Variants in SCN8A observed in about 807,000 individuals in gnomAD.
SCN8A encodes sodium channel protein type 8 subunit alpha.
Under a neutral mutation model 184.1 loss-of-function variants are expected in SCN8A, and 30 were observed. The ratio of observed to expected loss-of-function variants is 0.16; its 90% confidence interval spans 0.12 to 0.22. The LOEUF (loss-of-function observed/expected upper bound fraction) is 0.22. SCN8A is among the 10% of genes least tolerant of loss of function. The pLI is 1.00. For missense variants in SCN8A, 1,057 were observed against 2,498.9 expected (o/e 0.42, Z 12.30); for synonymous variants, 852 against 907.0 (o/e 0.94, Z 1.09).
intron 1 of SCN8A, among the ~76,000 whole-genome samples, chr12:51,648,564 G>T (rs888353391): frequency 1.3e-4 from 20 of 152,156 alleles, no homozygotes; most frequent in Non-Finnish European, 2.4e-4. Flanking sequence ...ATCATGGCAG[G>T]AGGCGAAAGG....
At chr12:51,703,260 T>TTGTTG (rs1403310400) in intron 9 of SCN8A, among the ~76,000 whole-genome samples, 2 of 151,922 alleles carry the variant, frequency 1.3e-5, no homozygotes, top group Non-Finnish European at 2.9e-5. Flanking sequence ...TTGTTTTGTT[T>TTGTTG]TGTTTTTGAG....
chr12:51,642,911 G>A (rs1940487437), intron 1 of SCN8A, among the ~76,000 whole-genome samples: 1 of 151,982 alleles, frequency 6.6e-6, no homozygotes, highest in South Asian at 2.1e-4. Context: ...GTTAGCGATT[G>A]ATTCAGCAAA....
intron 21 of SCN8A, among the ~76,000 whole-genome samples, chr12:51,786,189 T>A (rs1938080106): frequency 6.6e-6 from 1 of 152,226 alleles, no homozygotes; most frequent in Non-Finnish European, 1.5e-5. Context: ...AGCTGAAAGT[T>A]ACTCATATTT....
chr12:51,670,577 G>A lies in SCN8A; in HGVS notation c.276+7484G>A, dbSNP rs116387085. On this transcript the variant is annotated intron_variant, in intron 2 of 26. Transcript: ENST00000627620. Reference sequence around the variant, plus strand: ...CAGAGGTGTGGTGTTTGTTTGAGAAGCAGTAGAGAACTACTGAAGGTTCTG... The same window carrying A: ...CAGAGGTGTGGTGTTTGTTTGAGAAACAGTAGAGAACTACTGAAGGTTCTG... 1.9e-3 allele frequency among the ~76,000 whole-genome samples: 289 copies of A among 152,252 alleles called. 1 individual carries two copies. The highest frequency in any genetic ancestry group is 6.5e-3 in the African/African-American group (272 of 41,562).
chr12:51,785,290 A>C (rs993163639), intron 21 of SCN8A, among the ~76,000 whole-genome samples: 2 of 152,238 alleles, frequency 1.3e-5, no homozygotes, highest in Admixed American at 1.3e-4. Context: ...CAACTTAATA[A>C]ACAAAGTAAT....
intron 1 of SCN8A, among the ~76,000 whole-genome samples, chr12:51,660,457 G>A (rs1232362044): frequency 6.6e-6 from 1 of 152,178 alleles, no homozygotes; most frequent in Non-Finnish European, 1.5e-5. Flanking sequence ...GTGAATGTAG[G>A]AGCCAAGGAG....
chr12:51,779,221 A>AG (rs1422958762), intron 20 of SCN8A, among the ~76,000 whole-genome samples: 1 of 143,744 alleles, frequency 7.0e-6, no homozygotes, highest in Admixed American at 6.9e-5. Flanking sequence ...CTTTGTCTCA[A>AG]AAAAAAAAAA....
intron 13 of SCN8A, among the ~76,000 whole-genome samples, chr12:51,750,290 G>A (rs1942576502): frequency 6.6e-6 from 1 of 152,106 alleles, no homozygotes; most frequent in Admixed American, 6.5e-5. Context: ...GATCTTGTTT[G>A]ACAATAACAC....
At chr12:51,726,677 T>C (rs1942160046) in intron 12 of SCN8A, among the ~76,000 whole-genome samples, 1 of 152,232 alleles carries the variant, frequency 6.6e-6, no homozygotes, top group Non-Finnish European at 1.5e-5. Flanking sequence ...GTTATTCATA[T>C]ATAATATGCT....
chr12:51,792,022 C>T (rs1300382427), intron 25 of SCN8A, among the ~76,000 whole-genome samples: 1 of 152,082 alleles, frequency 6.6e-6, no homozygotes, highest in African/African-American at 2.4e-5. Flanking sequence ...AGACTGCTGT[C>T]ATGGAGCTTA....
chr12:51,801,719 A>G (rs1174281057), intron 26 of SCN8A, among the ~76,000 whole-genome samples: 1 of 152,158 alleles, frequency 6.6e-6, no homozygotes, highest in Non-Finnish European at 1.5e-5. Context: ...CTTAATATCC[A>G]TTCCCATACC....
At chr12:51,740,321 C>A (rs115729908) in intron 12 of SCN8A, among the ~76,000 whole-genome samples, 2,590 of 152,306 alleles carry the variant, frequency 0.017, 62 homozygotes, top group African/African-American at 0.059. Flanking sequence ...TGCACTGTAT[C>A]CCATAGGTTT....
At chr12:51,631,100 T>A (rs2138614785) in intron 1 of SCN8A, among the ~76,000 whole-genome samples, 1 of 152,342 alleles carries the variant, frequency 6.6e-6, no homozygotes, top group African/African-American at 2.4e-5. Flanking sequence ...AGGGCAAGTT[T>A]TAGATACACT....
chr12:51,799,256 C>G (rs933995853), intron 26 of SCN8A, among the ~76,000 whole-genome samples: 2 of 152,184 alleles, frequency 1.3e-5, no homozygotes, highest in African/African-American at 4.8e-5. Context: ...GCCTTTAGGA[C>G]CTGCTCGAGC....
chr12:51,742,999 A>G, intron 12 of SCN8A, among the ~76,000 whole-genome samples: 1 of 152,106 alleles, frequency 6.6e-6, no homozygotes, highest in South Asian at 2.1e-4. Context: ...AAGAGACTCT[A>G]ATGCATTGTT....
At chr12:51,682,400 G>A (rs901153442) in intron 2 of SCN8A, among the ~76,000 whole-genome samples, 3 of 152,246 alleles carry the variant, frequency 2.0e-5, no homozygotes, top group African/African-American at 4.8e-5. Flanking sequence ...TAAACATTTG[G>A]TAGAATTCAT....
At chr12:51,622,769 A>G (rs1939991507) in intron 1 of SCN8A, among the ~76,000 whole-genome samples, 1 of 152,168 alleles carries the variant, frequency 6.6e-6, no homozygotes, top group Admixed American at 6.5e-5. Flanking sequence ...AGTCCAGCCC[A>G]CGCTTGGGGG....
Position 51,789,361 on chromosome 12 carries a change from C to T in SCN8A, c.4362C>T (p.Phe1454=). The T allele has an allele frequency of 1.9e-6, 3 of 1,614,076 alleles. No individual in the cohort carries two copies. Among genetic ancestry groups the T allele is most frequent in the East Asian group, 2.2e-5 (1 of 44,886 alleles). Residue 1454 remains phenylalanine (F), a synonymous_variant, in exon 24 of 27, where the codon TTC becomes TTT. Transcript: ENST00000627620. ...TCTTCATCATCTTCGGCTCCTTCTTCACCCTGAACCTGTTCATTGGTGTCA... is the reference window on the plus strand; with the variant it reads ...TCTTCATCATCTTCGGCTCCTTCTTTACCCTGAACCTGTTCATTGGTGTCA... The part of the protein sequence containing the change: ...FVIFIIFGSF[F]TLNLFIGVII...
chr12:51,687,927 A>G (rs1241424332), intron 5 of SCN8A, among the ~76,000 whole-genome samples: 3 of 152,144 alleles, frequency 2.0e-5, no homozygotes, highest in Non-Finnish European at 4.4e-5. Flanking sequence ...GGGGTGGTGT[A>G]TAGGTTTTGC....
Sources: allele counts gnomAD v4.1 joint callset (sites outside exome capture counted in the v4.1 genomes callset), GRCh38; gene constraint gnomAD v4.1.1; transcripts MANE v1.5; gene names NCBI Gene and HGNC (gene_info 2026-07-23, HGNC 2026-07-21).